RPTOR: variants seen among roughly 807,000 people sequenced by gnomAD.
The protein encoded by RPTOR is regulatory associated protein of MTOR complex 1.
Under a neutral mutation model 169.9 loss-of-function variants are expected in RPTOR, and 21 were observed. That is an observed-to-expected ratio of 0.12 (90% confidence interval 0.09 to 0.18). The LOEUF is 0.18. Among genes scored for constraint, RPTOR ranks in the 10% least tolerant of loss-of-function variants. The probability of loss-of-function intolerance (pLI) is 1.00; values close to 1 mark genes in which losing one functional copy is unlikely to be tolerated. For synonymous variants in RPTOR, 732 were observed against 753.2 expected, an observed-to-expected ratio of 0.97 and a Z score of 0.46; for missense variants, 1,133 against 1,855.9, an observed-to-expected ratio of 0.61 and a Z score of 7.16.
At chr17:80,685,643 T>TTA (rs1173973557) in intron 3 of RPTOR, among the ~76,000 whole-genome samples, 43 of 94,536 alleles carry the variant, frequency 4.5e-4, no homozygotes, top group South Asian at 2.2e-3. Flanking sequence ...TTTTTTTTTT[T>TTA]TTTTTTTTTT....
chr17:80,931,031 C>G (rs1320306700), intron 24 of RPTOR, among the ~76,000 whole-genome samples: 2 of 152,142 alleles, frequency 1.3e-5, no homozygotes, highest in Admixed American at 1.3e-4. Context: ...TTATTCTAAC[C>G]GTGCATTCTT....
At chr17:80,918,117 T>C (rs1337783567) in intron 21 of RPTOR, among the ~76,000 whole-genome samples, 2 of 152,216 alleles carry the variant, frequency 1.3e-5, no homozygotes, top group African/African-American at 4.8e-5. Context: ...TGAAAGCTTG[T>C]CATGCACATG....
intron 31 of RPTOR, chr17:80,961,776 G>T (rs1461007229): frequency 2.7e-6 from 1 of 376,480 alleles, no homozygotes; most frequent in Non-Finnish European, 4.8e-6. Flanking sequence ...CACGGGCAGG[G>T]GTGGCAGGGT....
At position 80,708,328 on chromosome 17, in the gene RPTOR, C is replaced by T. The variant is rs1017641369; in HGVS notation, c.507+329C>T. On this transcript the variant is annotated intron_variant, in intron 4 of 33. Coordinates refer to ENST00000306801, the MANE Select transcript of RPTOR (RefSeq NM_020761.3). This position sits in a 1 kb window ranked among gnomAD's most constrained non-coding sequence, Gnocchi z 4.2. ...AGTTTGAAAAAATTGCACAATTTCT[C>T]AATTTCGTTAGAATCTTTCTTTAAG... Among the ~76,000 whole-genome samples the T allele has an allele frequency of 6.6e-6, 1 of 152,174 alleles. No individual in the cohort carries two copies. Among genetic ancestry groups the T allele is most frequent in the African/African-American group, 2.4e-5 (1 of 41,442 alleles).
intron 1 of RPTOR, among the ~76,000 whole-genome samples, chr17:80,606,276 C>G (rs1885052477): frequency 6.7e-6 from 1 of 148,268 alleles, no homozygotes; most frequent in South Asian, 2.1e-4. Context: ...TCCCAAAGTG[C>G]TGGGATTACA....
chr17:80,963,852 C>T (rs968347076), intron 33 of RPTOR, among the ~76,000 whole-genome samples: 2 of 152,138 alleles, frequency 1.3e-5, no homozygotes, highest in East Asian at 3.9e-4. Context: ...CCTGTGCGGC[C>T]GGGCCCCACC....
chr17:80,733,214 C>T (rs1465986543), intron 5 of RPTOR, among the ~76,000 whole-genome samples: 1 of 152,212 alleles, frequency 6.6e-6, no homozygotes, highest in African/African-American at 2.4e-5. Context: ...CAGTATTGCA[C>T]ACACTTCAAA....
intron 1 of RPTOR, among the ~76,000 whole-genome samples, chr17:80,597,832 G>T (rs530129448): frequency 4.2e-4 from 63 of 149,176 alleles, no homozygotes; most frequent in Non-Finnish European, 6.7e-4. Flanking sequence ...TTTGTTTTTG[G>T]TTTTTTTTTT....
chr17:80,844,796 T>C lies in RPTOR; in HGVS notation c.1213-1677T>C, dbSNP rs577771083. Among the ~76,000 whole-genome samples, 6 of 152,266 alleles carry C rather than the reference T, an allele frequency of 3.9e-5. No individual in the cohort carries two copies. The South Asian group carries it at 1.2e-3, about 32-fold the overall frequency. ...CTCCTGGCGTTCGCCTGTCCACATGTGTCCACATTCACTGGAACCCGGGGC... is the reference window on the plus strand; with the variant it reads ...CTCCTGGCGTTCGCCTGTCCACATGCGTCCACATTCACTGGAACCCGGGGC... On this transcript the variant is annotated intron_variant, in intron 10 of 33. Coordinates refer to ENST00000306801, the MANE Select transcript of RPTOR (RefSeq NM_020761.3). The surrounding 1 kb of genome is among the most constrained non-coding windows in gnomAD (Gnocchi z 4.7).
chr17:80,957,308 T>C lies in RPTOR; in HGVS notation c.3371-316T>C, dbSNP rs1181961349. 6.4e-4 allele frequency among the ~76,000 whole-genome samples: 79 copies of C among 124,280 alleles called. No homozygotes were observed. Among genetic ancestry groups the C allele is most frequent in the South Asian group, 5.6e-3 (20 of 3,586 alleles). The allele number at this position is 124,280 out of a possible 152,430, so 81.5% of individuals were successfully genotyped here. A position where few individuals can be genotyped will look rare whatever the true frequency, so the allele number is the denominator to read the frequency against. On this transcript the variant is annotated intron_variant, in intron 28 of 33. Transcript: ENST00000306801. The surrounding 1 kb of genome is among the most constrained non-coding windows in gnomAD (Gnocchi z 4.6). ...TGGACTTGGGAGTTCCAGCTTAGAA[T>C]TGTCACCCCGGCCTGGACTTGGGAG... is the stretch of plus-strand genomic sequence containing the variant.
intron 1 of RPTOR, among the ~76,000 whole-genome samples, chr17:80,576,440 T>C (rs976078410): frequency 6.6e-6 from 1 of 152,208 alleles, no homozygotes; most frequent in African/African-American, 2.4e-5. Context: ...AGGAAATTAT[T>C]TAATCCGTTT....
chr17:80,640,020 T>G (rs920110298), intron 2 of RPTOR, among the ~76,000 whole-genome samples: 1 of 152,198 alleles, frequency 6.6e-6, no homozygotes, highest in African/African-American at 2.4e-5. Context: ...AGTGTAAAGT[T>G]CTAAGTATCT....
chr17:80,547,204 A>C (rs1209644648), intron 1 of RPTOR, among the ~76,000 whole-genome samples: 2 of 152,242 alleles, frequency 1.3e-5, no homozygotes, highest in Non-Finnish European at 2.9e-5. Context: ...GGAGTTAAAT[A>C]AGTTAGTCAT....
chr17:80,951,483 C>A (rs543174558), intron 28 of RPTOR, among the ~76,000 whole-genome samples: 2 of 152,216 alleles, frequency 1.3e-5, no homozygotes, highest in Non-Finnish European at 2.9e-5. Flanking sequence ...AGAGGCGTCT[C>A]GCCAGACGTA....
chr17:80,594,947 G>A (rs758611751), intron 1 of RPTOR, among the ~76,000 whole-genome samples: 1 of 152,122 alleles, frequency 6.6e-6, no homozygotes, highest in Non-Finnish European at 1.5e-5. Flanking sequence ...CCTTCTAAAA[G>A]TGTTCAGTAA....
At position 80,947,357 on chromosome 17, in the gene RPTOR, C is replaced by T. The variant is rs374431755; in HGVS notation, c.3265+6C>T. 1.7e-5 allele frequency: 27 copies of T among 1,555,128 alleles called. No homozygotes were observed. Among genetic ancestry groups the T allele is most frequent in the South Asian group, 4.9e-5 (4 of 82,290 alleles). On this transcript the variant is annotated splice_donor_region_variant and intron_variant, in intron 27 of 33. Transcript: ENST00000306801. This position sits in a 1 kb window ranked among gnomAD's most constrained non-coding sequence, Gnocchi z 4.4. ...GCTTCTGCTGACGGCCACAGGTGAGCGGGGTTTGCACAGCCAGGATTGGAA... is the reference window on the plus strand; with the variant it reads ...GCTTCTGCTGACGGCCACAGGTGAGTGGGGTTTGCACAGCCAGGATTGGAA...
At chr17:80,900,619 C>A (rs548523631) in intron 20 of RPTOR, among the ~76,000 whole-genome samples, 2 of 152,248 alleles carry the variant, frequency 1.3e-5, no homozygotes, top group Non-Finnish European at 2.9e-5. Flanking sequence ...CTCGACTGGC[C>A]TTCTTCTTTC....
At chr17:80,556,517 A>G (rs1157334457) in intron 1 of RPTOR, among the ~76,000 whole-genome samples, 2 of 152,108 alleles carry the variant, frequency 1.3e-5, no homozygotes, top group African/African-American at 2.4e-5. Context: ...CTGCTTCAAT[A>G]AAAACAGCAA....
rs749794994 is a variant in RPTOR at position 80,820,113 on chromosome 17, C to CAG, written c.891-2087_891-2086dup. ...AACTCCCGTGTCCTCCTTCCTTGCA[C>CAG]AGTCGGGCCACTTATGTGTTTACTG... On this transcript the variant is annotated intron_variant, in intron 7 of 33. Coordinates refer to ENST00000306801, the MANE Select transcript of RPTOR (RefSeq NM_020761.3). The surrounding 1 kb of genome is among the most constrained non-coding windows in gnomAD (Gnocchi z 4.1). Among the ~76,000 whole-genome samples the CAG allele has an allele frequency of 1.3e-5, 2 of 152,172 alleles. No individual in the cohort carries two copies. Among genetic ancestry groups the CAG allele is most frequent in the Non-Finnish European group, 2.9e-5 (2 of 68,016 alleles).
Sources: gnomAD v4.1 joint callset for allele counts (sites outside exome capture counted in the v4.1 genomes callset) on GRCh38, gnomAD v4.1.1 for gene constraint, Gnocchi (gnomAD v3.1) non-coding constraint, MANE v1.5 for transcripts, NCBI Gene and HGNC (gene_info 2026-07-23, HGNC 2026-07-21) for gene names.